PDE1A: variants seen among roughly 807,000 people sequenced by gnomAD.
PDE1A encodes phosphodiesterase 1A.
In PDE1A, 35 loss-of-function variants were observed where a neutral mutation model predicts 61.7. The observed-to-expected ratio is 0.57, with a 90% CI of 0.43 to 0.75. The LOEUF is 0.75. PDE1A is among the 30% of genes least tolerant of loss of function. The probability of loss-of-function intolerance (pLI) is 0.00; values close to 1 mark genes in which losing one functional copy is unlikely to be tolerated. For missense variants in PDE1A, 597 were observed against 630.6 expected (o/e 0.95, Z 0.57); for synonymous variants, 232 against 213.2 (o/e 1.09, Z -0.77).
intron 2 of PDE1A, among the ~76,000 whole-genome samples, chr2:182,455,392 C>G (rs1159866730): frequency 6.6e-6 from 1 of 151,994 alleles, no homozygotes. Flanking sequence ...TTTGACCCAG[C>G]CATCCCATTA....
intron 6 of PDE1A, among the ~76,000 whole-genome samples, chr2:182,229,732 TA>T (rs1689421726): frequency 6.6e-6 from 1 of 151,404 alleles, no homozygotes; most frequent in African/African-American, 2.4e-5. Context: ...TCCTGCAGAA[TA>T]AAGGAATTTA....
chr2:182,339,528 G>C (rs1188856543), intron 1 of PDE1A, among the ~76,000 whole-genome samples: 2 of 152,074 alleles, frequency 1.3e-5, no homozygotes, highest in Non-Finnish European at 2.9e-5. Flanking sequence ...ATAATCATCA[G>C]AACATAACTG....
intron 3 of PDE1A, among the ~76,000 whole-genome samples, chr2:182,235,101 A>T (rs553461073): frequency 6.6e-6 from 1 of 152,318 alleles, no homozygotes; most frequent in South Asian, 2.1e-4. Context: ...TTTCCATAAT[A>T]GTATCAATAA....
intron 3 of PDE1A, among the ~76,000 whole-genome samples, chr2:182,236,562 CAT>C (rs1469131882): frequency 2.6e-5 from 4 of 152,200 alleles, no homozygotes; most frequent in Admixed American, 2.0e-4. Context: ...CTTTGAATCA[CAT>C]GTTAGCCACT....
chr2:182,338,420 A>C (rs115109642), intron 1 of PDE1A, among the ~76,000 whole-genome samples: 1 of 152,294 alleles, frequency 6.6e-6, no homozygotes, highest in Non-Finnish European at 1.5e-5. Context: ...TGCACTTAGA[A>C]TTTTAACTTG....
At chr2:182,636,520 A>T in the PDE1A span, among the ~76,000 whole-genome samples, 121 of 152,294 alleles carry the variant, frequency 7.9e-4, 1 homozygote, top group Non-Finnish European at 8.8e-4. Context: ...GTTTCCCTTC[A>T]TCATGTAATT....
the PDE1A span, among the ~76,000 whole-genome samples, chr2:182,643,103 C>T: frequency 2.6e-5 from 4 of 152,176 alleles, no homozygotes; most frequent in Admixed American, 2.6e-4. Context: ...TTAACCTTTG[C>T]TTCAGGCCCA....
the PDE1A span, among the ~76,000 whole-genome samples, chr2:182,650,921 A>AT: frequency 3.4e-4 from 52 of 152,320 alleles, 1 homozygote; most frequent in East Asian, 5.4e-3. Flanking sequence ...TTCATGTTAC[A>AT]TTTAAAAAGG....
At chr2:182,477,358 C>A (rs1458918662) in intron 2 of PDE1A, among the ~76,000 whole-genome samples, 1 of 151,900 alleles carries the variant, frequency 6.6e-6, no homozygotes, top group African/African-American at 2.4e-5. Flanking sequence ...TGACTATTTA[C>A]TGGGAACAAG....
intron 1 of PDE1A, among the ~76,000 whole-genome samples, chr2:182,351,782 T>C (rs1241311369): frequency 6.6e-6 from 1 of 152,118 alleles, no homozygotes; most frequent in Admixed American, 6.6e-5. Context: ...TACTGAGCCA[T>C]AAAAGGTTAT....
At chr2:182,487,657 G>T (rs2125867664) in intron 2 of PDE1A, among the ~76,000 whole-genome samples, 1 of 152,304 alleles carries the variant, frequency 6.6e-6, no homozygotes, top group South Asian at 2.1e-4. Flanking sequence ...TGTGGTTGGG[G>T]TGTGGGGATG....
chr2:182,176,720 A>G (rs1464849704), intron 13 of PDE1A, among the ~76,000 whole-genome samples: 1 of 142,314 alleles, frequency 7.0e-6, no homozygotes, highest in African/African-American at 2.6e-5. Context: ...TTCCAACACT[A>G]TGTTGAATAG....
chr2:182,676,435 CA>C, the PDE1A span, among the ~76,000 whole-genome samples: 255 of 137,314 alleles, frequency 1.9e-3, no homozygotes, highest in Middle Eastern at 3.6e-3. Flanking sequence ...GCCTACCAAC[CA>C]AAAAAAAAAA....
At chr2:182,297,568 CTT>C (rs1193487700) in intron 1 of PDE1A, among the ~76,000 whole-genome samples, 1 of 152,232 alleles carries the variant, frequency 6.6e-6, no homozygotes, top group East Asian at 1.9e-4. Context: ...AGCCTGTGCT[CTT>C]GTTTCCATTC....
the PDE1A span, among the ~76,000 whole-genome samples, chr2:182,617,417 G>C: frequency 6.6e-6 from 1 of 152,172 alleles, no homozygotes; most frequent in African/African-American, 2.4e-5. Flanking sequence ...CCTGGCCCCT[G>C]CTCTATGGAC....
At chr2:182,501,603 C>A (rs1300698102) in intron 2 of PDE1A, among the ~76,000 whole-genome samples, 1 of 152,198 alleles carries the variant, frequency 6.6e-6, no homozygotes, top group Non-Finnish European at 1.5e-5. Flanking sequence ...AATTATATTT[C>A]TTGTGTAAGC....
chr2:182,615,221 A>C, the PDE1A span, among the ~76,000 whole-genome samples: 1 of 152,346 alleles, frequency 6.6e-6, no homozygotes, highest in African/African-American at 2.4e-5. Context: ...CCTGAATAAA[A>C]GTAGGCTGCA....
Position 182,189,045 on chromosome 2 carries a change from C to T in PDE1A, c.1141G>A (p.Glu381Lys). 3 of 1,612,314 alleles carry T rather than the reference C, an allele frequency of 1.9e-6. No individual in the cohort carries two copies. The highest frequency in any genetic ancestry group is 2.2e-5 in the South Asian group (2 of 90,876). The change falls in exon 11 of 14, where the codon GAA becomes AAA. Residue 381 changes from glutamate (E) to lysine (K), a missense_variant. Transcript: ENST00000351439. ...AGTGGGGAAAATGGAAGCCCTAATT[C>T]AGCTTCTTTATCTCCCTGGAGAAAG... is the stretch of plus-strand genomic sequence containing the variant.
the PDE1A span, among the ~76,000 whole-genome samples, chr2:182,577,099 AT>A: frequency 5.3e-5 from 8 of 151,980 alleles, no homozygotes; most frequent in Admixed American, 2.0e-4. Context: ...TTAATTGATC[AT>A]TTTTTCTTTT....
Sources: allele counts gnomAD v4.1 joint callset (sites outside exome capture counted in the v4.1 genomes callset), GRCh38; gene constraint gnomAD v4.1.1; transcripts MANE v1.5; gene names NCBI Gene and HGNC (gene_info 2026-07-23, HGNC 2026-07-21).